RETREG1: variants seen among roughly 807,000 people sequenced by gnomAD.
The protein encoded by RETREG1 is family with sequence similarity 134 member B.
In RETREG1, 44 loss-of-function variants were observed where a neutral mutation model predicts 54.8. The observed-to-expected ratio is 0.80, with a 90% CI of 0.63 to 1.03. The LOEUF is 1.03. Ranked by LOEUF, RETREG1 falls within the 50% of genes least tolerant of loss-of-function variation. The pLI is 0.00. For synonymous variants in RETREG1, 217 were observed against 238.5 expected, an observed-to-expected ratio of 0.91 and a Z score of 0.83; for missense variants, 554 against 605.1, an observed-to-expected ratio of 0.92 and a Z score of 0.89.
intron 3 of RETREG1, among the ~76,000 whole-genome samples, chr5:16,499,246 G>A (rs144187233): frequency 3.3e-5 from 5 of 152,220 alleles, no homozygotes; most frequent in African/African-American, 1.2e-4. Context: ...TCCTTATGCG[G>A]CGTATGACTG....
intron 1 of RETREG1, among the ~76,000 whole-genome samples, chr5:16,599,352 A>G (rs1057116201): frequency 1.3e-5 from 2 of 152,236 alleles, no homozygotes; most frequent in African/African-American, 4.8e-5. Flanking sequence ...CAAAATCTAG[A>G]CACATATTAC....
At chr5:16,508,889 C>T (rs761018230) in intron 3 of RETREG1, 2 of 1,306,984 alleles carry the variant, frequency 1.5e-6, no homozygotes, top group Non-Finnish European at 2.0e-6. Flanking sequence ...TCACCTCTTA[C>T]TCCCAGTACT....
At chr5:16,490,920 G>A (rs1034622871) in intron 3 of RETREG1, among the ~76,000 whole-genome samples, 3 of 152,180 alleles carry the variant, frequency 2.0e-5, no homozygotes, top group Non-Finnish European at 4.4e-5. Flanking sequence ...TGGTTCCCAG[G>A]TGAAACTCCT....
intron 3 of RETREG1, chr5:16,509,000 A>C: frequency 2.0e-6 from 2 of 1,009,698 alleles, no homozygotes; most frequent in Non-Finnish European, 2.4e-6. Context: ...TCATTGGATG[A>C]CTTCACCTAG....
At chr5:16,493,613 C>T (rs1386900353) in intron 3 of RETREG1, among the ~76,000 whole-genome samples, 1 of 152,168 alleles carries the variant, frequency 6.6e-6, no homozygotes, top group African/African-American at 2.4e-5. Context: ...TCTTGCATTC[C>T]ACTGAAGATC....
chr5:16,509,520 A>G (rs920555950), intron 3 of RETREG1: 2 of 152,180 alleles, frequency 1.3e-5, no homozygotes, highest in Non-Finnish European at 1.5e-5. Flanking sequence ...CTTTTTTAAA[A>G]GAGTACGACA....
rs150680468 is a variant in RETREG1 at position 16,575,086 on chromosome 5, C to T, written c.321-2984G>A. Among the ~76,000 whole-genome samples the T allele has an allele frequency of 5.2e-3, 797 of 152,280 alleles. 7 individuals carry two copies. The highest frequency in any genetic ancestry group is 0.018 in the African/African-American group (765 of 41,548). On this transcript the variant is annotated intron_variant, in intron 1 of 8. Coordinates refer to ENST00000306320, the MANE Select transcript of RETREG1 (RefSeq NM_001034850.3). ...GGTGCTCCCAGTTTTCCCGACCTCACGTTGAAGTGGCAGATTTCATAGTGA... is the reference window on the plus strand; with the variant it reads ...GGTGCTCCCAGTTTTCCCGACCTCATGTTGAAGTGGCAGATTTCATAGTGA...
At chr5:16,553,425 T>C (rs1741598966) in intron 3 of RETREG1, among the ~76,000 whole-genome samples, 1 of 152,074 alleles carries the variant, frequency 6.6e-6, no homozygotes, top group Non-Finnish European at 1.5e-5. Flanking sequence ...ATATATGTGA[T>C]TTAAATATAT....
intron 3 of RETREG1, among the ~76,000 whole-genome samples, chr5:16,519,568 T>C (rs1030034027): frequency 6.6e-6 from 1 of 152,204 alleles, no homozygotes; most frequent in Admixed American, 6.5e-5. Context: ...GCTTAGTACA[T>C]GGAGTGTTTT....
At chr5:16,567,801 A>T (rs1165175943) in intron 2 of RETREG1, among the ~76,000 whole-genome samples, 1 of 152,074 alleles carries the variant, frequency 6.6e-6, no homozygotes, top group Non-Finnish European at 1.5e-5. Flanking sequence ...TACAAAAATT[A>T]AAAAAGAAAA....
chr5:16,560,426 T>A (rs558824010), intron 3 of RETREG1, among the ~76,000 whole-genome samples: 207 of 152,292 alleles, frequency 1.4e-3, no homozygotes, highest in Non-Finnish European at 2.4e-3. Flanking sequence ...CACTATTTGA[T>A]CCACTTTTTT....
Position 16,613,643 on chromosome 5 carries a change from T to C in RETREG1, c.320+3009A>G, listed in dbSNP as rs142468557. Among the ~76,000 whole-genome samples the C allele has an allele frequency of 7.9e-3, 1,199 of 152,318 alleles. 25 individuals carry two copies. Among genetic ancestry groups the C allele is most frequent in the African/African-American group, 0.027 (1,125 of 41,566 alleles). ...CCAGGTGCTAAATCATTCAAAAATA[T>C]ATCTTTAAAAAGTTTACTTCCACAA... On this transcript the variant is annotated intron_variant, in intron 1 of 8. Coordinates refer to ENST00000306320, the MANE Select transcript of RETREG1 (RefSeq NM_001034850.3).
intron 3 of RETREG1, among the ~76,000 whole-genome samples, chr5:16,539,733 G>A (rs550576625): frequency 6.6e-6 from 1 of 152,272 alleles, no homozygotes; most frequent in South Asian, 2.1e-4. Flanking sequence ...GTCAGGAGAC[G>A]CTGTCATCAC....
rs1253695261 is a variant in RETREG1, at chr5:16,593,500, T to C, written c.321-21398A>G. Reference sequence around the variant, plus strand: ...ATTAATGTAATTAATTAACCATGCATGTAATCAATGTAATCATTAATCATA... The same window carrying C: ...ATTAATGTAATTAATTAACCATGCACGTAATCAATGTAATCATTAATCATA... On this transcript the variant is annotated intron_variant, in intron 1 of 8. Coordinates refer to ENST00000306320, the MANE Select transcript of RETREG1 (RefSeq NM_001034850.3). The surrounding 1 kb of genome is among the most constrained non-coding windows in gnomAD (Gnocchi z 4.9). Among the ~76,000 whole-genome samples, 2 of 152,180 alleles carry C rather than the reference T, an allele frequency of 1.3e-5. No homozygotes were observed. Among genetic ancestry groups the C allele is most frequent in the Non-Finnish European group, 2.9e-5 (2 of 68,030 alleles).
chr5:16,562,483 T>A (rs986658527), intron 3 of RETREG1, among the ~76,000 whole-genome samples: 2 of 152,062 alleles, frequency 1.3e-5, no homozygotes, highest in African/African-American at 4.8e-5. Flanking sequence ...AACATCCAAA[T>A]CCCTGGCTGT....
Position 16,477,792 on chromosome 5 carries a change from T to C in RETREG1, c.874-4A>G, listed in dbSNP as rs375031588. On this transcript the variant is annotated splice_polypyrimidine_tract_variant and splice_region_variant and intron_variant, in intron 7 of 8. Transcript: ENST00000306320. Reference sequence around the variant, plus strand: ...TGGCAGCAACCGTGAGGCTAATCTGTGTTAATATAAATAAATACCAGCGGC... The same window carrying C: ...TGGCAGCAACCGTGAGGCTAATCTGCGTTAATATAAATAAATACCAGCGGC... 2.4e-5 allele frequency: 39 copies of C among 1,613,200 alleles called. No individual in the cohort carries two copies. The highest frequency in any genetic ancestry group is 3.2e-5 in the Non-Finnish European group (38 of 1,179,510).
intron 3 of RETREG1, among the ~76,000 whole-genome samples, chr5:16,549,631 C>T (rs1741477752): frequency 6.6e-6 from 1 of 152,088 alleles, no homozygotes; most frequent in African/African-American, 2.4e-5. Flanking sequence ...CATTAAAATC[C>T]CTTGGAAGCA....
intron 5 of RETREG1, 23 bp from the exon 6 acceptor site, chr5:16,479,010 G>C (rs1301262961): frequency 6.2e-7 from 1 of 1,609,270 alleles, no homozygotes; most frequent in Non-Finnish European, 8.5e-7. Flanking sequence ...AGAGAGCAGA[G>C]GTAAAATGCC....
Position 16,478,103 on chromosome 5 carries a change from TGAG to T in RETREG1, c.809-8_809-6del. The stretch of plus-strand genomic sequence containing the variant: ...GACTTTTTTCTTTGTCTGCTTCTGT[TGAG>T]GAAAAAATTTGGAAGCTTTCAGTTT... On this transcript the variant is annotated splice_polypyrimidine_tract_variant and splice_region_variant and intron_variant, in intron 6 of 8. Transcript: ENST00000306320. 1 of 1,608,038 alleles carries T rather than the reference TGAG, an allele frequency of 6.2e-7. No homozygotes were observed. Among genetic ancestry groups the T allele is most frequent in the East Asian group, 2.2e-5 (1 of 44,772 alleles).
Sources: gnomAD v4.1 joint callset for allele counts (sites outside exome capture counted in the v4.1 genomes callset) on GRCh38, gnomAD v4.1.1 for gene constraint, Gnocchi (gnomAD v3.1) non-coding constraint, MANE v1.5 for transcripts, NCBI Gene and HGNC (gene_info 2026-07-23, HGNC 2026-07-21) for gene names.